The following PPP1R9A variants were observed in gnomAD, a reference collection of about 807,000 sequenced individuals.
The protein encoded by PPP1R9A is protein phosphatase 1 regulatory subunit 9A, also known as neurabin-1.
Under a neutral mutation model 141.9 loss-of-function variants are expected in PPP1R9A, and 59 were observed. The observed-to-expected ratio is 0.42, with a 90% confidence interval of 0.34 to 0.52. PPP1R9A has a LOEUF of 0.52. Among genes scored for constraint, PPP1R9A ranks in the 20% least tolerant of loss-of-function variants. The pLI, the probability that PPP1R9A is intolerant of heterozygous loss-of-function variation, is 0.10. For missense variants in PPP1R9A, 1,444 were observed against 1,611.9 expected, an observed-to-expected ratio of 0.90 and a Z score of 1.78; for synonymous variants, 500 against 569.7, an observed-to-expected ratio of 0.88 and a Z score of 1.74.
chr7:95,103,659 C>T (rs1444254995), intron 2 of PPP1R9A, among the ~76,000 whole-genome samples: 6 of 152,258 alleles, frequency 3.9e-5, no homozygotes, highest in Admixed American at 2.0e-4. Context: ...TGAGCCCCCA[C>T]GCCCAGCCCA....
chr7:94,988,834 C>G (rs946528111), intron 2 of PPP1R9A, among the ~76,000 whole-genome samples: 15 of 151,808 alleles, frequency 9.9e-5, no homozygotes, highest in Non-Finnish European at 5.9e-5. Context: ...AACCTGCCTC[C>G]CACCCCATAA....
intron 5 of PPP1R9A, among the ~76,000 whole-genome samples, chr7:95,177,495 C>A (rs1585093172): frequency 6.6e-6 from 1 of 152,126 alleles, no homozygotes; most frequent in African/African-American, 2.4e-5. Context: ...ACACAGGCAA[C>A]AAATAGCATG....
At chr7:94,918,721 C>T (rs1792393104) in intron 2 of PPP1R9A, among the ~76,000 whole-genome samples, 1 of 152,068 alleles carries the variant, frequency 6.6e-6, no homozygotes, top group Non-Finnish European at 1.5e-5. Flanking sequence ...CTGGACATTT[C>T]TTACAAATGC....
intron 8 of PPP1R9A, among the ~76,000 whole-genome samples, chr7:95,242,577 T>A (rs1352693227): frequency 6.6e-6 from 1 of 150,820 alleles, no homozygotes; most frequent in Non-Finnish European, 1.5e-5. Context: ...TGAGTGCATG[T>A]TCTGTATTCA....
intron 2 of PPP1R9A, among the ~76,000 whole-genome samples, chr7:94,934,692 T>G (rs1794554400): frequency 6.6e-6 from 1 of 152,136 alleles, no homozygotes; most frequent in Admixed American, 6.6e-5. Context: ...TACATGTTTC[T>G]GGAACTACAT....
chr7:95,274,472 A>G (rs1802794588), intron 16 of PPP1R9A, among the ~76,000 whole-genome samples: 1 of 152,218 alleles, frequency 6.6e-6, no homozygotes, highest in Non-Finnish European at 1.5e-5. Context: ...TATCAAATAT[A>G]TTTATGTGAT....
chr7:95,244,607 A>T (rs1208652421), intron 8 of PPP1R9A, among the ~76,000 whole-genome samples: 1 of 152,182 alleles, frequency 6.6e-6, no homozygotes, highest in Non-Finnish European at 1.5e-5. Flanking sequence ...AGGAGTTAAT[A>T]AAATCTGTCA....
At chr7:95,240,579 A>T (rs79055741) in intron 8 of PPP1R9A, among the ~76,000 whole-genome samples, 2,296 of 151,936 alleles carry the variant, frequency 0.015, 25 homozygotes, top group Non-Finnish European at 0.025. Context: ...TTTATTGGGT[A>T]AAATATACAT....
chr7:95,185,374 T>C lies in PPP1R9A; in HGVS notation c.1755-12975T>C, dbSNP rs1159902122. ...TTCATGTCCCTAGCCCACTTTTTTA[T>C]GGGATTTTTTTTTTGTCTTACTGAT... On this transcript the variant is annotated intron_variant, in intron 5 of 19. Coordinates refer to ENST00000433360, the MANE Select transcript of PPP1R9A (RefSeq NM_001166160.2). 4.1e-5 allele frequency among the ~76,000 whole-genome samples: 4 copies of C among 97,454 alleles called. No homozygotes were observed. The East Asian group carries it at 9.8e-4, about 24-fold the overall frequency. The allele number at this position is 97,454 out of a possible 152,430, so 63.9% of individuals were successfully genotyped here.
chr7:94,973,049 T>C (rs1799035725), intron 2 of PPP1R9A, among the ~76,000 whole-genome samples: 1 of 150,148 alleles, frequency 6.7e-6, no homozygotes, highest in Non-Finnish European at 1.5e-5. Context: ...TAGAAATTAC[T>C]TCGTACTTTT....
chr7:95,211,637 A>G (rs1792148186), intron 7 of PPP1R9A, among the ~76,000 whole-genome samples: 1 of 152,112 alleles, frequency 6.6e-6, no homozygotes, highest in Non-Finnish European at 1.5e-5. Context: ...TGGGTCTATT[A>G]CGACTGACTT....
Position 94,910,806 on chromosome 7 carries a change from T to C in PPP1R9A, c.693T>C (p.Thr231=), listed in dbSNP as rs749451592. ...CTGAAAACAATGAATACTCAGTGAC[T>C]GGGCATTATCCCTTGAATTTACCAT... ...EKAENNEYSV[T]GHYPLNLPSV... is the part of the protein sequence containing the mutation. Residue 231 remains threonine (T), a synonymous_variant, in exon 2 of 20, where the codon ACT becomes ACC. Coordinates refer to ENST00000433360, the MANE Select transcript of PPP1R9A (RefSeq NM_001166160.2). This position sits in a 1 kb window ranked among gnomAD's most constrained non-coding sequence, Gnocchi z 4.5. 1 of 1,613,948 alleles carries C rather than the reference T, an allele frequency of 6.2e-7. No individual in the cohort carries two copies. The highest frequency in any genetic ancestry group is 1.3e-5 in the African/African-American group (1 of 75,068).
At chr7:95,181,400 A>G (rs1043500637) in intron 5 of PPP1R9A, among the ~76,000 whole-genome samples, 31 of 137,922 alleles carry the variant, frequency 2.2e-4, no homozygotes, top group African/African-American at 7.5e-4. Flanking sequence ...GAGAATATAT[A>G]TATTCCATCA....
chr7:95,189,475 C>A (rs1294159690), intron 5 of PPP1R9A, among the ~76,000 whole-genome samples: 4 of 124,954 alleles, frequency 3.2e-5, no homozygotes, highest in Admixed American at 3.0e-4. Flanking sequence ...CTCGCTCTGT[C>A]GCCCAGGCTG....
intron 2 of PPP1R9A, among the ~76,000 whole-genome samples, chr7:94,973,863 G>A (rs531175724): frequency 9.2e-5 from 14 of 151,842 alleles, no homozygotes; most frequent in Admixed American, 7.2e-4. Flanking sequence ...AATTACAGGC[G>A]CATGCTGTCA....
intron 2 of PPP1R9A, among the ~76,000 whole-genome samples, chr7:94,940,928 TATAAGGAGTTGTTC>T (rs761694700): frequency 6.6e-6 from 1 of 152,114 alleles, no homozygotes; most frequent in Non-Finnish European, 1.5e-5. Flanking sequence ...TTCTGTAAGC[TATAAGGAGTTGTTC>T]ATAATGAAGA....
intron 19 of PPP1R9A, among the ~76,000 whole-genome samples, chr7:95,289,543 ACCT>A (rs1806012531): frequency 6.6e-6 from 1 of 152,094 alleles, no homozygotes; most frequent in Admixed American, 6.6e-5. Flanking sequence ...TCATCGAGCA[ACCT>A]CCTCATTATA....
At chr7:95,119,308 C>G (rs1462597448) in intron 3 of PPP1R9A, among the ~76,000 whole-genome samples, 1 of 151,652 alleles carries the variant, frequency 6.6e-6, no homozygotes, top group Non-Finnish European at 1.5e-5. Flanking sequence ...AAAAAAAAGT[C>G]ACACAGTATT....
Position 94,910,975 on chromosome 7 carries a change from T to C in PPP1R9A, c.862T>C (p.Ser288Pro), listed in dbSNP as rs762739426. 1.2e-5 allele frequency: 19 copies of C among 1,613,944 alleles called. No homozygotes were observed. The highest frequency in any genetic ancestry group is 1.5e-5 in the Non-Finnish European group (18 of 1,180,014). Residue 288 changes from serine to proline, a missense_variant, in exon 2 of 20, where the codon TCT becomes CCT. By Grantham distance (74) the Ser-to-Pro change is moderately conservative. This residue lies in a region of PPP1R9A where 490 missense variants were observed against 521.1 expected (regional missense o/e 0.94). Coordinates refer to ENST00000433360, the MANE Select transcript of PPP1R9A (RefSeq NM_001166160.2). This position sits in a 1 kb window ranked among gnomAD's most constrained non-coding sequence, Gnocchi z 4.5. ...ACCAGAAGTGGCTTCTAAAAGTACC[T>C]CTCTAGCTTCGATACCTGGTGAAGA... is the stretch of plus-strand genomic sequence containing the variant. ...PVPEVASKST[S>P]LASIPGEEIQ...
Sources: allele counts gnomAD v4.1 joint callset (sites outside exome capture counted in the v4.1 genomes callset), GRCh38; gene constraint gnomAD v4.1.1; regional missense constraint gnomAD v4.1.1; non-coding constraint Gnocchi (gnomAD v3.1); transcripts MANE v1.5; gene names NCBI Gene and HGNC (gene_info 2026-07-23, HGNC 2026-07-21).